CCDC141: variants seen among roughly 807,000 people sequenced by gnomAD.
CCDC141 encodes the protein coiled-coil domain containing 141, also known as coiled-coil domain-containing protein 141.
CCDC141 carries 168 observed loss-of-function variants against 181.0 expected under a neutral mutation model. The ratio of observed to expected loss-of-function variants is 0.93; its 90% CI spans 0.82 to 1.05. The LOEUF (loss-of-function observed/expected upper bound fraction) is 1.05, where lower values mean the gene tolerates loss of function less well. Ranked by LOEUF, CCDC141 falls within the 50% of genes least tolerant of loss-of-function variation. The pLI, the probability that CCDC141 is intolerant of heterozygous loss-of-function variation, is 0.00. For missense variants in CCDC141, 1,902 were observed against 1,788.5 expected, an observed-to-expected ratio of 1.06 and a Z score of -1.14; for synonymous variants, 666 against 642.3, an observed-to-expected ratio of 1.04 and a Z score of -0.56.
chr2:178,945,629 A>T (rs1316042451), intron 5 of CCDC141, among the ~76,000 whole-genome samples: 1 of 152,096 alleles, frequency 6.6e-6, no homozygotes, highest in Non-Finnish European at 1.5e-5. Flanking sequence ...AGCGGGAATG[A>T]CTTCAAATCT....
chr2:178,937,037 AAG>A (rs780095579), intron 6 of CCDC141, among the ~76,000 whole-genome samples: 5 of 152,138 alleles, frequency 3.3e-5, no homozygotes, highest in African/African-American at 9.6e-5. Flanking sequence ...CATCTGCAAA[AAG>A]AGAGAGTTTG....
chr2:178,818,796 T>A, the CCDC141 span, among the ~76,000 whole-genome samples: 1 of 152,356 alleles, frequency 6.6e-6, no homozygotes, highest in East Asian at 1.9e-4. Flanking sequence ...ATATACCCAG[T>A]AATGGGATTG....
At chr2:178,985,472 AGAACT>A in intron 2 of CCDC141, among the ~76,000 whole-genome samples, 2 of 146,300 alleles carry the variant, frequency 1.4e-5, no homozygotes, top group East Asian at 2.0e-4. Context: ...AAATCAGAGC[AGAACT>A]GAAGGAAATA....
chr2:178,954,796 A>T (rs1357051423), intron 5 of CCDC141, among the ~76,000 whole-genome samples: 1 of 152,020 alleles, frequency 6.6e-6, no homozygotes, highest in African/African-American at 2.4e-5. Context: ...GTTCCCTTAA[A>T]GTAAGACAGA....
rs558943325 is a variant in CCDC141 at position 178,878,195 on chromosome 2, A to T, written c.1720-52T>A. 4.7e-6 allele frequency: 6 copies of T among 1,271,568 alleles called. No individual in the cohort carries two copies. The African/African-American group carries it at 9.1e-5, about 19-fold the overall frequency. 78.8% of individuals were successfully genotyped at this position (1,271,568 alleles called of 1,614,324 possible). A position where few individuals can be genotyped will look rare whatever the true frequency, so the allele number is the denominator to read the frequency against. On this transcript the variant is annotated intron_variant, in intron 11 of 23. Coordinates refer to ENST00000443758, the MANE Select transcript of CCDC141 (RefSeq NM_173648.4). ...ACACTTAAACACATTTTTTTAAAGAAAAAGAACAGTAGATTCCAATAAAAA... is the reference window on the plus strand; with the variant it reads ...ACACTTAAACACATTTTTTTAAAGATAAAGAACAGTAGATTCCAATAAAAA...
At chr2:178,996,285 C>T (rs1027048319) in intron 2 of CCDC141, among the ~76,000 whole-genome samples, 8 of 152,012 alleles carry the variant, frequency 5.3e-5, no homozygotes, top group Admixed American at 5.2e-4. Context: ...GGCATGTTGG[C>T]CAGGCTGGTC....
intron 2 of CCDC141, among the ~76,000 whole-genome samples, chr2:179,032,561 C>T (rs1015945993): frequency 2.6e-5 from 4 of 152,122 alleles, no homozygotes; most frequent in African/African-American, 9.7e-5. Flanking sequence ...TTGAATTCAA[C>T]CGGGAAATAC....
At chr2:178,981,342 T>C (rs1691381277) in intron 2 of CCDC141, among the ~76,000 whole-genome samples, 2 of 151,742 alleles carry the variant, frequency 1.3e-5, no homozygotes, top group Non-Finnish European at 2.9e-5. Context: ...GGCCATATCC[T>C]GGGCCATAAA....
chr2:178,855,243 A>T (rs775490006), intron 19 of CCDC141, 104 bp downstream of exon 19: 3 of 895,826 alleles, frequency 3.3e-6, no homozygotes, highest in Non-Finnish European at 5.2e-6. Flanking sequence ...AGCATGATAC[A>T]TGAATATAAT....
At chr2:178,956,997 G>A (rs1016014518) in intron 5 of CCDC141, among the ~76,000 whole-genome samples, 6 of 151,986 alleles carry the variant, frequency 3.9e-5, no homozygotes, top group African/African-American at 9.7e-5. Flanking sequence ...CTGCCTCAGC[G>A]TTCCGTGTAG....
intron 4 of CCDC141, among the ~76,000 whole-genome samples, chr2:178,968,318 A>G (rs948044945): frequency 6.6e-6 from 1 of 152,206 alleles, no homozygotes. Context: ...TTATTCTAAA[A>G]TTGACCACAT....
In CCDC141 at chr2:178,944,629, G is replaced by C. The variant is rs1229394600; in HGVS notation, c.803C>G (p.Thr268Ser). 1.3e-6 allele frequency: 2 copies of C among 1,523,194 alleles called. No homozygotes were observed. The highest frequency in any genetic ancestry group is 1.8e-6 in the Non-Finnish European group (2 of 1,133,354). 94.4% of individuals were successfully genotyped at this position (1,523,194 alleles called of 1,614,324 possible). A position where few individuals can be genotyped will look rare whatever the true frequency, so the allele number is the denominator to read the frequency against. The change falls in exon 6 of 24, where the codon ACT becomes AGT. Residue 268 changes from threonine to serine, a missense_variant. Thr to Ser is a moderately conservative substitution (Grantham distance 58). Transcript: ENST00000443758. The part of the protein sequence containing the change: ...ENQVTCWFQK[T>S]IRNLQEQSLG... ...ACTTTGTTCCTGTAAATTTCTTATA[G>C]TTTTCTGAAACCAACAAGTAACCTA...
intron 6 of CCDC141, among the ~76,000 whole-genome samples, chr2:178,941,228 C>T (rs1443781954): frequency 6.6e-6 from 1 of 152,200 alleles, no homozygotes; most frequent in South Asian, 2.1e-4. Context: ...TAACCAACAA[C>T]TCATATTCCA....
At chr2:178,988,600 A>T (rs1481628307) in intron 2 of CCDC141, among the ~76,000 whole-genome samples, 1 of 152,184 alleles carries the variant, frequency 6.6e-6, no homozygotes, top group Non-Finnish European at 1.5e-5. Flanking sequence ...CCACAGATTC[A>T]ATGTAATCAA....
At chr2:178,918,608 T>A (rs1688553828) in intron 7 of CCDC141, 105 bp downstream of exon 7, 5 of 865,724 alleles carry the variant, frequency 5.8e-6, no homozygotes, top group Non-Finnish European at 8.6e-6. Context: ...TTTGAAATTT[T>A]ACATGGCGTT....
intron 23 of CCDC141, 122 bp from the exon 24 acceptor site, chr2:178,834,562 C>A (rs1028346114): frequency 9.0e-7 from 1 of 1,107,964 alleles, no homozygotes. Context: ...TTAGTAGGAA[C>A]CTTGTAGCCA....
In CCDC141 at chr2:178,961,411, C is replaced by A. The variant is rs192710522; in HGVS notation, c.599G>T (p.Cys200Phe). The A allele has an allele frequency of 6.5e-5, 101 of 1,550,514 alleles. No homozygotes were observed. The highest frequency in any genetic ancestry group is 7.0e-6 in the Non-Finnish European group (8 of 1,146,918). Residue 200 changes from cysteine to phenylalanine, a missense_variant, in exon 5 of 24, where the codon TGT (cysteine) becomes TTT (phenylalanine). Cys to Phe is a radical substitution (Grantham distance 205). Transcript: ENST00000443758. The stretch of plus-strand genomic sequence containing the variant: ...CTCAGGATTCACATTAGGTCCTTCA[C>A]ACTTGAATTTTTCTATGAAGTCAGT... ...QLTDFIEKFK[C>F]EGPNVNPELT...
chr2:178,834,849 G>A (rs1237037660), intron 23 of CCDC141, among the ~76,000 whole-genome samples: 1 of 151,474 alleles, frequency 6.6e-6, no homozygotes, highest in Non-Finnish European at 1.5e-5. Flanking sequence ...TGAGTAGCTG[G>A]TATTATGCGC....
chr2:178,967,458 T>C (rs1320325697), intron 4 of CCDC141, among the ~76,000 whole-genome samples: 1 of 152,122 alleles, frequency 6.6e-6, no homozygotes, highest in Non-Finnish European at 1.5e-5. Context: ...AGAAAAGAAT[T>C]TTCAGCCCAG....
Sources: gnomAD v4.1 joint callset for allele counts (sites outside exome capture counted in the v4.1 genomes callset) on GRCh38, gnomAD v4.1.1 for gene constraint, MANE v1.5 for transcripts, NCBI Gene and HGNC (gene_info 2026-07-23, HGNC 2026-07-21) for gene names.